The following CEP112 variants were observed in gnomAD, a reference collection of about 807,000 sequenced individuals.
The protein encoded by CEP112 is centrosomal protein of 112 kDa.
Under a neutral mutation model 153.0 loss-of-function variants are expected in CEP112, and 127 were observed. The observed-to-expected ratio is 0.83, with a 90% CI of 0.72 to 0.96. The LOEUF (loss-of-function observed/expected upper bound fraction) is 0.96. Among genes scored for constraint, CEP112 ranks in the 40% least tolerant of loss-of-function variants. The pLI is 0.00. For synonymous variants in CEP112, 358 were observed against 374.4 expected (o/e 0.96, Z 0.51); for missense variants, 1,089 against 1,101.2 (o/e 0.99, Z 0.16).
intron 16 of CEP112, among the ~76,000 whole-genome samples, chr17:66,024,035 A>T (rs577153447): frequency 6.6e-6 from 1 of 152,324 alleles, no homozygotes; most frequent in African/African-American, 2.4e-5. Flanking sequence ...AATAAATGTG[A>T]TTCATCACAT....
At chr17:65,915,000 G>A (rs1431645654) in intron 19 of CEP112, among the ~76,000 whole-genome samples, 1 of 152,128 alleles carries the variant, frequency 6.6e-6, no homozygotes, top group East Asian at 1.9e-4. Flanking sequence ...GGCAACACCT[G>A]AAACAAGTGG....
rs191884225 is a variant in CEP112 at position 65,766,917 on chromosome 17, C to T, written c.2395-16193G>A. The stretch of plus-strand genomic sequence containing the variant: ...AATATATAAAGCAAATATTAATGGA[C>T]ATGAAGGGAGAAACAGATAGCAATA... On this transcript the variant is annotated intron_variant, in intron 21 of 26. Coordinates refer to ENST00000535342, the MANE Select transcript of CEP112 (RefSeq NM_001199165.4). Among the ~76,000 whole-genome samples, 92 of 139,726 alleles carry T rather than the reference C, an allele frequency of 6.6e-4. No homozygotes were observed. The East Asian group carries it at 0.016, about 24-fold the overall frequency. 91.7% of individuals were successfully genotyped at this position (139,726 alleles called of 152,430 possible).
chr17:66,150,513 G>C (rs1445568231), intron 4 of CEP112, among the ~76,000 whole-genome samples: 1 of 152,198 alleles, frequency 6.6e-6, no homozygotes, highest in African/African-American at 2.4e-5. Flanking sequence ...TTATAGGCGT[G>C]AGCCATCGCA....
In CEP112 at chr17:66,096,303, T is replaced by C. The variant is rs1024416767; in HGVS notation, c.716A>G (p.Lys239Arg). The C allele has an allele frequency of 1.7e-5, 28 of 1,613,432 alleles. No individual in the cohort carries two copies. The highest frequency in any genetic ancestry group is 2.2e-5 in the Non-Finnish European group (26 of 1,179,772). ...SLMTPKFSLR[K>R]SSSFHDDHFL... ...ATGATCATCATGGAAACTGCTGGATTTTCTCAGGCTGAATTTCGGTGTCAT... is the reference window on the plus strand; with the variant it reads ...ATGATCATCATGGAAACTGCTGGATCTTCTCAGGCTGAATTTCGGTGTCAT... Residue 239 changes from lysine to arginine, a missense_variant, in exon 8 of 27, where the codon AAA becomes AGA. By Grantham distance (26) the Lys-to-Arg change is conservative. Coordinates refer to ENST00000535342, the MANE Select transcript of CEP112 (RefSeq NM_001199165.4).
intron 23 of CEP112, among the ~76,000 whole-genome samples, chr17:65,737,996 G>T (rs904584440): frequency 6.6e-6 from 1 of 152,126 alleles, no homozygotes; most frequent in African/African-American, 2.4e-5. Flanking sequence ...TTAAATGCTC[G>T]ATGAGCCGTG....
chr17:66,115,430 G>A (rs1350999526), intron 6 of CEP112, among the ~76,000 whole-genome samples: 1 of 152,180 alleles, frequency 6.6e-6, no homozygotes, highest in Non-Finnish European at 1.5e-5. Flanking sequence ...AGCAACTTGG[G>A]CAGCTCATCT....
At chr17:65,847,810 C>T (rs1598766700) in intron 21 of CEP112, among the ~76,000 whole-genome samples, 1 of 152,064 alleles carries the variant, frequency 6.6e-6, no homozygotes, top group Non-Finnish European at 1.5e-5. Flanking sequence ...ATGAAAAGGT[C>T]GGGGAAGGAT....
intron 24 of CEP112, among the ~76,000 whole-genome samples, chr17:65,659,184 A>C (rs1021287500): frequency 6.6e-6 from 1 of 152,160 alleles, no homozygotes; most frequent in Non-Finnish European, 1.5e-5. Flanking sequence ...TAATTTGTTG[A>C]TAAACATATA....
intron 21 of CEP112, among the ~76,000 whole-genome samples, chr17:65,817,832 T>C (rs2056349961): frequency 3.3e-5 from 5 of 151,864 alleles, no homozygotes; most frequent in Admixed American, 3.3e-4. Context: ...GCAGATAACA[T>C]GGAAATTCTA....
At chr17:66,140,041 A>C (rs1360034273) in intron 4 of CEP112, among the ~76,000 whole-genome samples, 1 of 152,324 alleles carries the variant, frequency 6.6e-6, no homozygotes, top group Admixed American at 6.5e-5. Flanking sequence ...AAATACTAGC[A>C]AACTGAATTC....
rs1161961755 is a variant in CEP112 at position 65,750,722 on chromosome 17, G to C, written c.2397C>G (p.Ala799=). The C allele has an allele frequency of 6.2e-7, 1 of 1,613,768 alleles. No individual in the cohort carries two copies. Among genetic ancestry groups the C allele is most frequent in the Admixed American group, 1.7e-5 (1 of 59,994 alleles). The stretch of plus-strand genomic sequence containing the variant: ...TCTCAATCTGCTTCAGCTTGCTGTT[G>C]GCCTGAAAAACACATGTACATGAAC... The part of the protein sequence containing the change: ...AAETEMTLEK[A]NSKLKQIEKE... The change falls in exon 22 of 27, where the codon GCC becomes GCG. Residue 799 remains alanine, a splice_region_variant and synonymous_variant. Coordinates refer to ENST00000535342, the MANE Select transcript of CEP112 (RefSeq NM_001199165.4).
intron 19 of CEP112, chr17:65,903,166 C>G (rs560335381): frequency 1.3e-5 from 2 of 152,364 alleles, no homozygotes; most frequent in African/African-American, 4.8e-5. Flanking sequence ...AAGCCAGCTT[C>G]CCCAGTGAAC....
intron 6 of CEP112, among the ~76,000 whole-genome samples, chr17:66,119,829 T>C (rs1219941989): frequency 6.6e-6 from 1 of 152,202 alleles, no homozygotes; most frequent in Non-Finnish European, 1.5e-5. Flanking sequence ...GTTTTCCAAG[T>C]AATATTTTGC....
intron 16 of CEP112, among the ~76,000 whole-genome samples, chr17:66,023,444 C>T (rs2065079991): frequency 6.6e-6 from 1 of 152,018 alleles, no homozygotes; most frequent in Non-Finnish European, 1.5e-5. Flanking sequence ...AAACTGTCAA[C>T]CACAAATTTT....
At position 66,048,424 on chromosome 17, in the gene CEP112, G is replaced by T. The variant is rs2145893305; in HGVS notation, c.1218+5312C>A. Among the ~76,000 whole-genome samples the T allele has an allele frequency of 3.9e-5, 6 of 152,194 alleles. 1 individual carries two copies. The Middle Eastern group carries it at 0.014, about 345-fold the overall frequency. ...TCTAAAGTAAAGCTGGGAAAAAAAAGTTATCCACATAGAAAAAAACAAAAT... is the reference window on the plus strand; with the variant it reads ...TCTAAAGTAAAGCTGGGAAAAAAAATTTATCCACATAGAAAAAAACAAAAT... On this transcript the variant is annotated intron_variant, in intron 12 of 26. Transcript: ENST00000535342.
intron 20 of CEP112, among the ~76,000 whole-genome samples, chr17:65,860,011 T>C (rs1320104722): frequency 8.0e-6 from 1 of 125,512 alleles, no homozygotes; most frequent in Non-Finnish European, 1.6e-5. Context: ...TGAGACTCCA[T>C]CTCAAAAAAA....
At chr17:65,943,966 T>C (rs1403110791) in intron 18 of CEP112, among the ~76,000 whole-genome samples, 2 of 152,204 alleles carry the variant, frequency 1.3e-5, no homozygotes, top group African/African-American at 4.8e-5. Context: ...AAGATCTAAA[T>C]TATTTTCCCT....
At chr17:66,097,601 G>A (rs940380508) in intron 6 of CEP112, among the ~76,000 whole-genome samples, 21 of 152,154 alleles carry the variant, frequency 1.4e-4, no homozygotes, top group African/African-American at 5.1e-4. Context: ...TAGCCCTTAT[G>A]TAATACTTTG....
intron 6 of CEP112, among the ~76,000 whole-genome samples, chr17:66,097,395 CCT>C (rs1245855153): frequency 6.6e-6 from 1 of 152,146 alleles, no homozygotes; most frequent in African/African-American, 2.4e-5. Context: ...CTGGCATCTC[CCT>C]GTTTCAAAAC....
Sources: allele counts gnomAD v4.1 joint callset (sites outside exome capture counted in the v4.1 genomes callset), GRCh38; gene constraint gnomAD v4.1.1; transcripts MANE v1.5; gene names NCBI Gene and HGNC (gene_info 2026-07-23, HGNC 2026-07-21).